Variants in ADAM18 observed in about 807,000 individuals in gnomAD.
The protein encoded by ADAM18 is ADAM metallopeptidase domain 18.
Under a neutral mutation model 94.4 loss-of-function variants are expected in ADAM18, and 117 were observed. That is an observed-to-expected ratio of 1.24 (90% CI 1.07 to 1.45). The LOEUF (loss-of-function observed/expected upper bound fraction) is 1.45. ADAM18 is among the 40% of genes most tolerant of loss of function. The pLI is 0.00. For missense variants in ADAM18, 936 were observed against 880.0 expected, an observed-to-expected ratio of 1.06 and a Z score of -0.81; for synonymous variants, 327 against 291.6, an observed-to-expected ratio of 1.12 and a Z score of -1.24.
At chr8:39,650,785 T>G (rs1820510639) in intron 12 of ADAM18, among the ~76,000 whole-genome samples, 1 of 152,158 alleles carries the variant, frequency 6.6e-6, no homozygotes, top group African/African-American at 2.4e-5. Flanking sequence ...GAGAAACAAT[T>G]TTCAATTTTG....
intron 16 of ADAM18, among the ~76,000 whole-genome samples, chr8:39,682,062 T>A (rs564243312): frequency 7.2e-5 from 11 of 152,270 alleles, no homozygotes; most frequent in African/African-American, 2.6e-4. Flanking sequence ...CTGTAAAACA[T>A]TAGTTAAGAG....
intron 6 of ADAM18, among the ~76,000 whole-genome samples, chr8:39,611,822 T>C (rs1216713725): frequency 6.6e-6 from 1 of 152,182 alleles, no homozygotes; most frequent in African/African-American, 2.4e-5. Context: ...ACAATTAATT[T>C]GGTATCAGTT....
At chr8:39,638,628 TAGTG>T in intron 10 of ADAM18, 82 bp downstream of exon 10, 3 of 787,164 alleles carry the variant, frequency 3.8e-6, no homozygotes, top group Non-Finnish European at 5.7e-6. Context: ...AGTAGTTAAA[TAGTG>T]TAAAACCATT....
chr8:39,606,556 C>T (rs769343886), intron 3 of ADAM18, among the ~76,000 whole-genome samples, 194 bp downstream of exon 3: 2 of 152,104 alleles, frequency 1.3e-5, no homozygotes, highest in African/African-American at 2.4e-5. Flanking sequence ...TTTTAATTTT[C>T]GCTTGATATT....
intron 18 of ADAM18, among the ~76,000 whole-genome samples, chr8:39,717,040 T>G (rs1428490802): frequency 6.6e-6 from 1 of 151,924 alleles, no homozygotes; most frequent in Non-Finnish European, 1.5e-5. Context: ...TTTTTATTTA[T>G]GTATGTATTT....
At chr8:39,633,409 G>C (rs1049011182) in intron 7 of ADAM18, among the ~76,000 whole-genome samples, 1 of 152,200 alleles carries the variant, frequency 6.6e-6, no homozygotes, top group Non-Finnish European at 1.5e-5. Context: ...GAGAAGTAGG[G>C]AAGTTGTGAA....
chr8:39,633,514 T>C (rs1819990767), intron 7 of ADAM18, among the ~76,000 whole-genome samples: 1 of 152,078 alleles, frequency 6.6e-6, no homozygotes, highest in East Asian at 1.9e-4. Flanking sequence ...TAAAGGCTGT[T>C]CTTATGAGAG....
intron 18 of ADAM18, among the ~76,000 whole-genome samples, chr8:39,715,844 C>T (rs112846784): frequency 4.6e-5 from 7 of 152,004 alleles, no homozygotes; most frequent in African/African-American, 1.7e-4. Flanking sequence ...ATATAGCCAC[C>T]GGTGAATATA....
chr8:39,729,913 A>G lies in ADAM18; in HGVS notation c.2193A>G (p.Val731=). The stretch of plus-strand genomic sequence containing the variant: ...TTCACTATAGTAATTCATCCGTTGT[A>G]TCAGAAAGCGATGACGTGGGACATT... The part of the protein sequence containing the change: ...NAEYNRNSSV[V]SESDDVGH Residue 731 remains valine (V), a synonymous_variant, in exon 20 of 20, where the codon GTA becomes GTG. Transcript: ENST00000265707. The G allele has an allele frequency of 1.9e-6, 3 of 1,613,630 alleles. No homozygotes were observed. The highest frequency in any genetic ancestry group is 2.5e-6 in the Non-Finnish European group (3 of 1,179,550).
chr8:39,584,577 C>T lies in ADAM18; in HGVS notation c.-46C>T. The T allele has an allele frequency of 1.2e-6, 2 of 1,607,154 alleles. No homozygotes were observed. Among genetic ancestry groups the T allele is most frequent in the Non-Finnish European group, 1.7e-6 (2 of 1,178,306 alleles). On this transcript the variant is annotated 5_prime_UTR_variant, in exon 1 of 20. Coordinates refer to ENST00000265707, the MANE Select transcript of ADAM18 (RefSeq NM_014237.3). ...GCCTGCCCGCGAGCTCAACGCTGCT[C>T]AACGGTCTCTGTCCTTGGCTGTGGC...
Position 39,686,468 on chromosome 8 carries a change from A to G in ADAM18, c.1822-6132A>G, listed in dbSNP as rs77559487. Among the ~76,000 whole-genome samples the G allele has an allele frequency of 5.0e-3, 759 of 152,220 alleles. 4 individuals are homozygous for G. The highest frequency in any genetic ancestry group is 0.023 in the East Asian group (117 of 5,172). ...CAAGCTCCATTGAACCTCTTTTATTAAGGCGCTAATCTCATTCATGGGGAT... is the reference window on the plus strand; with the variant it reads ...CAAGCTCCATTGAACCTCTTTTATTGAGGCGCTAATCTCATTCATGGGGAT... On this transcript the variant is annotated intron_variant, in intron 16 of 19. Transcript: ENST00000265707.
intron 11 of ADAM18, among the ~76,000 whole-genome samples, chr8:39,645,711 G>T (rs1040991186): frequency 2.0e-5 from 3 of 151,980 alleles, no homozygotes; most frequent in Non-Finnish European, 4.4e-5. Flanking sequence ...ATTCTTTCTT[G>T]TCATGCCCAA....
At chr8:39,643,791 C>G (rs1444718546) in intron 10 of ADAM18, among the ~76,000 whole-genome samples, 1 of 150,882 alleles carries the variant, frequency 6.6e-6, no homozygotes. Flanking sequence ...TAAATACCTT[C>G]TTTTTATAAG....
rs543215365 is a variant in ADAM18, at chr8:39,645,567, A to G, written c.1046+93A>G. The G allele has an allele frequency of 3.4e-6, 4 of 1,174,474 alleles. No individual in the cohort carries two copies. The South Asian group carries it at 5.8e-5, about 17-fold the overall frequency. The allele number at this position is 1,174,474 out of a possible 1,614,324, so 72.8% of individuals were successfully genotyped here. ...TTTAAACTTTTATATTCGGCACCAC[A>G]TCAATGGCTAGAAAGTTACATCATG... On this transcript the variant is annotated intron_variant, in intron 11 of 19. Transcript: ENST00000265707.
chr8:39,726,483 A>G (rs948279859), intron 19 of ADAM18, among the ~76,000 whole-genome samples: 4 of 152,106 alleles, frequency 2.6e-5, no homozygotes, highest in Non-Finnish European at 5.9e-5. Context: ...GTTTGCAAAT[A>G]CTTTGTCTCA....
At chr8:39,647,433 G>A (rs2129579564) in intron 11 of ADAM18, among the ~76,000 whole-genome samples, 1 of 152,302 alleles carries the variant, frequency 6.6e-6, no homozygotes, top group Admixed American at 6.5e-5. Flanking sequence ...TCCTATCTCA[G>A]AATTGAACAA....
At chr8:39,724,492 T>G (rs2129581909) in intron 19 of ADAM18, among the ~76,000 whole-genome samples, 1 of 152,022 alleles carries the variant, frequency 6.6e-6, no homozygotes, top group African/African-American at 2.4e-5. Flanking sequence ...TTAATTTTGC[T>G]GATATTTTAA....
At chr8:39,620,357 C>CAAAAAAAAAAAAAAAACAAAA (rs1819574465) in intron 6 of ADAM18, among the ~76,000 whole-genome samples, 1 of 90,568 alleles carries the variant, frequency 1.1e-5, no homozygotes, top group Non-Finnish European at 2.1e-5. Context: ...GCAACAAAAG[C>CAAAAAAAAAAAAAAAACAAAA]AAAAAAAAAA....
At chr8:39,693,168 G>A (rs897819329) in intron 17 of ADAM18, among the ~76,000 whole-genome samples, 1 of 151,202 alleles carries the variant, frequency 6.6e-6, no homozygotes, top group African/African-American at 2.4e-5. Context: ...CTTTTATATT[G>A]CAGTTCCATT....
Sources: allele counts gnomAD v4.1 joint callset (sites outside exome capture counted in the v4.1 genomes callset), GRCh38; gene constraint gnomAD v4.1.1; transcripts MANE v1.5; gene names NCBI Gene and HGNC (gene_info 2026-07-23, HGNC 2026-07-21).